The following C6 variants were observed in gnomAD, a reference collection of about 807,000 sequenced individuals.
The protein encoded by C6 is complement C6.
In C6, 101 loss-of-function variants were observed where a neutral mutation model predicts 112.9. That is an observed-to-expected ratio of 0.89 (90% CI 0.76 to 1.06). C6 has a LOEUF of 1.06. Among genes scored for constraint, C6 ranks in the 50% least tolerant of loss-of-function variants. The pLI is 0.00. For synonymous variants in C6, 431 were observed against 384.1 expected (o/e 1.12, Z -1.43); for missense variants, 1,202 against 1,104.6 (o/e 1.09, Z -1.25).
intron 16 of C6, 70 bp from the exon 17 acceptor site, chr5:41,149,552 T>C (rs1445882174): frequency 1.3e-6 from 2 of 1,594,684 alleles, no homozygotes; most frequent in Middle Eastern, 1.7e-4. Flanking sequence ...GTAGCCAATG[T>C]AGTGTGTTCA....
At chr5:41,190,869 C>T (rs1401398595) in intron 5 of C6, among the ~76,000 whole-genome samples, 1 of 152,026 alleles carries the variant, frequency 6.6e-6, no homozygotes, top group East Asian at 1.9e-4. Flanking sequence ...CTTGTTTCCC[C>T]AGTGCATGAT....
intron 13 of C6, among the ~76,000 whole-genome samples, chr5:41,158,196 G>GT (rs748448939): frequency 9.9e-5 from 15 of 151,408 alleles, no homozygotes; most frequent in Non-Finnish European, 2.2e-4. Context: ...TTGTGGCTTG[G>GT]TAAAAAAAAA....
At position 41,150,338 on chromosome 5, in the gene C6, T is replaced by C. The variant is rs557656798; in HGVS notation, c.2291-313A>G. On this transcript the variant is annotated intron_variant, in intron 15 of 17. Coordinates refer to ENST00000337836, the MANE Select transcript of C6 (RefSeq NM_000065.5). ...AGTATACATGATATTCTCATCACTC[T>C]GTAAGGTTCTGGAGAGAGTAGATTG... is the stretch of plus-strand genomic sequence containing the variant. Among the ~76,000 whole-genome samples the C allele has an allele frequency of 5.9e-5, 9 of 152,348 alleles. 1 individual carries two copies. Among genetic ancestry groups the C allele is most frequent in the African/African-American group, 2.2e-4 (9 of 41,592 alleles).
chr5:41,202,847 A>G (rs1460513703), intron 2 of C6, among the ~76,000 whole-genome samples: 1 of 152,184 alleles, frequency 6.6e-6, no homozygotes, highest in Non-Finnish European at 1.5e-5. Flanking sequence ...TAAATATTCA[A>G]CTGAAAGTGT....
chr5:41,174,145 G>C (rs1272324683), intron 8 of C6, among the ~76,000 whole-genome samples: 1 of 152,134 alleles, frequency 6.6e-6, no homozygotes, highest in Non-Finnish European at 1.5e-5. Flanking sequence ...TCAAAGATTT[G>C]AATGATGAAT....
At chr5:41,202,564 A>G (rs1751110231) in intron 2 of C6, among the ~76,000 whole-genome samples, 1 of 152,214 alleles carries the variant, frequency 6.6e-6, no homozygotes, top group African/African-American at 2.4e-5. Flanking sequence ...TTTCCATGGT[A>G]CAGAAACATT....
intron 1 of C6, among the ~76,000 whole-genome samples, chr5:41,252,230 A>G (rs900422453): frequency 1.3e-5 from 2 of 152,236 alleles, no homozygotes; most frequent in Non-Finnish European, 2.9e-5. Flanking sequence ...TGTTAACCTC[A>G]TTTGGCTGGT....
At chr5:41,205,313 C>G (rs1751346681) in intron 1 of C6, among the ~76,000 whole-genome samples, 1 of 152,140 alleles carries the variant, frequency 6.6e-6, no homozygotes. Context: ...GTGAGAGACA[C>G]AGAAGATGGG....
At chr5:41,259,469 G>A (rs1217212645) in intron 1 of C6, among the ~76,000 whole-genome samples, 2 of 148,374 alleles carry the variant, frequency 1.3e-5, no homozygotes, top group Non-Finnish European at 3.0e-5. Flanking sequence ...TCAGTCCAAT[G>A]CCATTAAAAA....
chr5:41,160,066 C>A, intron 11 of C6, 76 bp downstream of exon 11: 1 of 1,233,116 alleles, frequency 8.1e-7, no homozygotes, highest in South Asian at 1.2e-5. Context: ...AGTTTTGTTT[C>A]TTTTTAATTG....
chr5:41,178,172 T>C (rs1005858850), intron 7 of C6, among the ~76,000 whole-genome samples: 3 of 152,208 alleles, frequency 2.0e-5, no homozygotes, highest in Non-Finnish European at 4.4e-5. Flanking sequence ...AAACCACATA[T>C]AATCTATTTC....
At chr5:41,211,965 C>A (rs998138292) in intron 1 of C6, among the ~76,000 whole-genome samples, 20 of 152,110 alleles carry the variant, frequency 1.3e-4, no homozygotes, top group African/African-American at 4.3e-4. Context: ...ACTGCAAAAA[C>A]AGAACCCTTA....
At chr5:41,191,067 C>CTTTTTTTTTTTTTTTTTTTTTT (rs142519688) in intron 5 of C6, among the ~76,000 whole-genome samples, 1 of 84,756 alleles carries the variant, frequency 1.2e-5, no homozygotes, top group African/African-American at 5.0e-5. Context: ...ATGCCTTTGG[C>CTTTTTTTTTTTTTTTTTTTTTT]TTTTTTTTTT....
intron 7 of C6, 142 bp from the exon 8 acceptor site, chr5:41,176,857 C>T (rs954072559): frequency 5.2e-5 from 43 of 821,116 alleles, no homozygotes; most frequent in African/African-American, 1.2e-4. Flanking sequence ...CATGTTCTCA[C>T]GTACAAAATT....
chr5:41,233,536 A>T (rs1740039366), intron 1 of C6, among the ~76,000 whole-genome samples: 1 of 152,106 alleles, frequency 6.6e-6, no homozygotes, highest in Non-Finnish European at 1.5e-5. Context: ...TTGTGTAACA[A>T]AACAAAATAA....
chr5:41,260,540 C>A (rs936824101), intron 1 of C6, among the ~76,000 whole-genome samples: 39 of 150,436 alleles, frequency 2.6e-4, no homozygotes, highest in African/African-American at 9.3e-4. Flanking sequence ...GAGGCCGAGG[C>A]GGTCGTATCA....
chr5:41,173,325 C>T (rs910625755), intron 8 of C6, among the ~76,000 whole-genome samples: 4 of 152,148 alleles, frequency 2.6e-5, no homozygotes, highest in Admixed American at 2.6e-4. Context: ...CCACTCCCAC[C>T]ACAGTCCTGT....
intron 7 of C6, among the ~76,000 whole-genome samples, chr5:41,179,143 C>T (rs573390623): frequency 4.6e-5 from 7 of 152,284 alleles, no homozygotes; most frequent in South Asian, 2.1e-4. Flanking sequence ...CATGAGCCAC[C>T]GTCCCTGGTG....
intron 1 of C6, among the ~76,000 whole-genome samples, chr5:41,230,636 G>A (rs1397817300): frequency 6.6e-6 from 1 of 152,058 alleles, no homozygotes; most frequent in Non-Finnish European, 1.5e-5. Flanking sequence ...TTTTGCCTTT[G>A]CCTTTGTGAT....
Sources: allele counts gnomAD v4.1 joint callset (sites outside exome capture counted in the v4.1 genomes callset), GRCh38; gene constraint gnomAD v4.1.1; transcripts MANE v1.5; gene names NCBI Gene and HGNC (gene_info 2026-07-23, HGNC 2026-07-21).